The following HHAT variants were observed in gnomAD, a reference collection of about 807,000 sequenced individuals.
HHAT encodes the protein protein-cysteine N-palmitoyltransferase HHAT.
Under a neutral mutation model 70.8 loss-of-function variants are expected in HHAT, and 47 were observed. That is an observed-to-expected ratio of 0.66 (90% confidence interval 0.53 to 0.85). The LOEUF is 0.85. Ranked by LOEUF, HHAT falls within the 40% of genes least tolerant of loss-of-function variation. The pLI, the probability that HHAT is intolerant of heterozygous loss-of-function variation, is 0.00. For missense variants in HHAT, 609 were observed against 604.8 expected, an observed-to-expected ratio of 1.01 and a Z score of -0.07; for synonymous variants, 228 against 247.6, an observed-to-expected ratio of 0.92 and a Z score of 0.74.
intron 8 of HHAT, among the ~76,000 whole-genome samples, chr1:210,473,625 A>T (rs12122475): frequency 0.16 from 23,614 of 152,166 alleles, 2,329 homozygotes; most frequent in South Asian, 0.25. Context: ...AGCTGCCCTG[A>T]TGGAGGAAGG....
chr1:210,356,786 C>T (rs771444074), intron 2 of HHAT, among the ~76,000 whole-genome samples: 65 of 152,206 alleles, frequency 4.3e-4, no homozygotes, highest in Non-Finnish European at 8.2e-4. Context: ...ATTAGAGGAA[C>T]GTGGTTGCAA....
In HHAT at chr1:210,329,004, G is replaced by C; in HGVS notation, c.-144G>C. The C allele has an allele frequency of 7.2e-7, 1 of 1,379,794 alleles. No individual in the cohort carries two copies. The highest frequency in any genetic ancestry group is 9.4e-7 in the Non-Finnish European group (1 of 1,065,444). 85.5% of individuals were successfully genotyped at this position (1,379,794 alleles called of 1,614,324 possible). ...TGGCGTCCCGGGGAAGCCCGCAGCC[G>C]CCGCCGATGTCGCTGGGACTCGGAA... On this transcript the variant is annotated 5_prime_UTR_variant, in exon 1 of 12. Transcript: ENST00000261458.
At chr1:210,418,348 G>T in intron 7 of HHAT, 23 bp downstream of exon 7, 2 of 1,560,672 alleles carry the variant, frequency 1.3e-6, no homozygotes, top group Non-Finnish European at 1.7e-6. Flanking sequence ...ATCACCAACA[G>T]TGGGATGAGC....
At chr1:210,492,003 T>TCTGC (rs2094559540) in intron 8 of HHAT, among the ~76,000 whole-genome samples, 2 of 152,302 alleles carry the variant, frequency 1.3e-5, no homozygotes, top group South Asian at 4.1e-4. Flanking sequence ...CCTCAGGCAA[T>TCTGC]CTGCCTGCCT....
intron 11 of HHAT, among the ~76,000 whole-genome samples, chr1:210,650,292 A>G (rs1674872410): frequency 6.6e-6 from 1 of 152,206 alleles, no homozygotes; most frequent in Non-Finnish European, 1.5e-5. Flanking sequence ...AAGTTGGTTT[A>G]CAGAGCTAAC....
intron 9 of HHAT, among the ~76,000 whole-genome samples, chr1:210,559,882 A>G (rs1019483120): frequency 6.6e-6 from 1 of 152,190 alleles, no homozygotes; most frequent in African/African-American, 2.4e-5. Context: ...AATTATGGCA[A>G]TTCCTTCCCA....
At chr1:210,519,303 C>A (rs747989686) in intron 9 of HHAT, among the ~76,000 whole-genome samples, 5 of 152,184 alleles carry the variant, frequency 3.3e-5, no homozygotes, top group Non-Finnish European at 7.3e-5. Context: ...AATAGTGCTG[C>A]AGTAAACATG....
rs543178116 is a variant in HHAT, at chr1:210,644,015, C to G, written c.1390+20345C>G. On this transcript the variant is annotated intron_variant, in intron 11 of 11. Coordinates refer to ENST00000261458, the MANE Select transcript of HHAT (RefSeq NM_018194.6). Reference sequence around the variant, plus strand: ...AATTTGGAGGTCCTCTGGCCCACCTCTCTCCCAAAGCAGCACACTGATTCC... The same window carrying G: ...AATTTGGAGGTCCTCTGGCCCACCTGTCTCCCAAAGCAGCACACTGATTCC... 7.2e-5 allele frequency among the ~76,000 whole-genome samples: 11 copies of G among 152,184 alleles called. No individual in the cohort carries two copies. In the South Asian group the frequency reaches 8.3e-4, roughly 11 times the overall value.
chr1:210,477,027 C>T (rs76872721), intron 8 of HHAT, among the ~76,000 whole-genome samples: 1 of 152,166 alleles, frequency 6.6e-6, no homozygotes, highest in African/African-American at 2.4e-5. Context: ...CTTACATTCA[C>T]ATGGATCACA....
intron 7 of HHAT, among the ~76,000 whole-genome samples, chr1:210,454,703 A>T (rs2093825922): frequency 6.6e-6 from 1 of 152,226 alleles, no homozygotes; most frequent in Non-Finnish European, 1.5e-5. Flanking sequence ...ATCCTGAGGA[A>T]CAAGATGGGC....
At chr1:210,619,364 G>T (rs915713862) in intron 10 of HHAT, among the ~76,000 whole-genome samples, 3 of 152,142 alleles carry the variant, frequency 2.0e-5, no homozygotes, top group African/African-American at 7.2e-5. Context: ...CTGTGGCCGG[G>T]GGCACAGGAG....
intron 7 of HHAT, among the ~76,000 whole-genome samples, chr1:210,433,111 A>G (rs1300134732): frequency 6.6e-6 from 1 of 151,722 alleles, no homozygotes; most frequent in Non-Finnish European, 1.5e-5. Flanking sequence ...CTTCATCTCT[A>G]AATCTCAGGA....
intron 8 of HHAT, among the ~76,000 whole-genome samples, chr1:210,481,920 A>G (rs573798027): frequency 3.9e-4 from 60 of 152,322 alleles, no homozygotes; most frequent in African/African-American, 1.4e-3. Context: ...AGCCAGTGCC[A>G]GAAGTGTGCC....
At chr1:210,487,299 CAAAAAT>C (rs2094487330) in intron 8 of HHAT, among the ~76,000 whole-genome samples, 1 of 137,060 alleles carries the variant, frequency 7.3e-6, no homozygotes, top group South Asian at 2.4e-4. Context: ...AGTCAATACT[CAAAAAT>C]AATGAAAAGT....
At chr1:210,493,954 A>C (rs1210423357) in intron 8 of HHAT, among the ~76,000 whole-genome samples, 2 of 152,164 alleles carry the variant, frequency 1.3e-5, no homozygotes, top group Admixed American at 1.3e-4. Context: ...CTTGAAATTG[A>C]GGGTGACCTT....
chr1:210,572,027 T>C (rs541618411), intron 9 of HHAT, among the ~76,000 whole-genome samples: 62 of 152,296 alleles, frequency 4.1e-4, no homozygotes, highest in African/African-American at 1.4e-3. Context: ...ACCGGCCCAT[T>C]GTTTCCTGAG....
chr1:210,619,075 T>C (rs542348529), intron 10 of HHAT, among the ~76,000 whole-genome samples: 22 of 152,254 alleles, frequency 1.4e-4, no homozygotes, highest in African/African-American at 5.3e-4. Flanking sequence ...GAATTGGAGG[T>C]CTGCCCTAGG....
chr1:210,588,246 G>A, intron 10 of HHAT, 147 bp downstream of exon 10: 1 of 638,454 alleles, frequency 1.6e-6, no homozygotes, highest in Non-Finnish European at 2.7e-6. Context: ...AGGCAAGACA[G>A]CTGGAAAAGA....
At chr1:210,351,813 G>A (rs1405284981) in intron 2 of HHAT, among the ~76,000 whole-genome samples, 2 of 152,176 alleles carry the variant, frequency 1.3e-5, no homozygotes, top group African/African-American at 2.4e-5. Context: ...GCTGTTGCAC[G>A]TGCAGCCTGG....
Sources: allele counts gnomAD v4.1 joint callset (sites outside exome capture counted in the v4.1 genomes callset), GRCh38; gene constraint gnomAD v4.1.1; transcripts MANE v1.5; gene names NCBI Gene and HGNC (gene_info 2026-07-23, HGNC 2026-07-21).